The following ZDHHC14 variants were observed in gnomAD, a reference collection of about 807,000 sequenced individuals.
ZDHHC14 encodes zDHHC palmitoyltransferase 14.
ZDHHC14 carries 16 observed loss-of-function variants against 47.7 expected under a neutral mutation model. The observed-to-expected ratio is 0.34, with a 90% CI of 0.23 to 0.51. ZDHHC14 has a LOEUF of 0.51. Among genes scored for constraint, ZDHHC14 ranks in the 20% least tolerant of loss-of-function variants. The pLI is 0.97. For synonymous variants in ZDHHC14, 293 were observed against 278.9 expected, an observed-to-expected ratio of 1.05 and a Z score of -0.50; for missense variants, 515 against 662.5, an observed-to-expected ratio of 0.78 and a Z score of 2.44.
chr6:157,381,976 CG>C lies in ZDHHC14; in HGVS notation c.-40del. The C allele has an allele frequency of 3.6e-6, 4 of 1,109,610 alleles. No individual in the cohort carries two copies. The highest frequency in any genetic ancestry group is 3.3e-6 in the Non-Finnish European group (3 of 907,218). 68.7% of individuals were successfully genotyped at this position (1,109,610 alleles called of 1,614,324 possible). The stretch of plus-strand genomic sequence containing the variant: ...CGTGGCTCGGCGGGGCCCGCGCGGC[CG>C]GGGGGCTCCTGGGGGTGTGCGCCCC... On this transcript the variant is annotated 5_prime_UTR_variant, in exon 1 of 9. Transcript: ENST00000359775.
At chr6:157,597,762 T>C (rs943371575) in intron 3 of ZDHHC14, among the ~76,000 whole-genome samples, 1 of 152,210 alleles carries the variant, frequency 6.6e-6, no homozygotes, top group East Asian at 1.9e-4. Flanking sequence ...CCTCAGGCCA[T>C]GCCAGCCCCT....
intron 3 of ZDHHC14, among the ~76,000 whole-genome samples, chr6:157,623,889 T>C (rs146691763): frequency 6.6e-6 from 1 of 152,288 alleles, no homozygotes; most frequent in African/African-American, 2.4e-5. Flanking sequence ...AGTGATACTG[T>C]GGTATAAAGA....
chr6:157,665,415 G>A (rs1778511813), intron 8 of ZDHHC14, among the ~76,000 whole-genome samples: 1 of 152,174 alleles, frequency 6.6e-6, no homozygotes, highest in Non-Finnish European at 1.5e-5. Context: ...AGGAGCCTCT[G>A]GAGACAGATT....
intron 1 of ZDHHC14, among the ~76,000 whole-genome samples, chr6:157,517,924 C>T (rs990098756): frequency 3.9e-5 from 6 of 152,088 alleles, no homozygotes; most frequent in Admixed American, 1.3e-4. Context: ...CAAAGCCCCA[C>T]GTGTGAACCA....
intron 2 of ZDHHC14, among the ~76,000 whole-genome samples, chr6:157,547,446 G>C (rs1465250875): frequency 6.6e-6 from 1 of 151,840 alleles, no homozygotes; most frequent in East Asian, 1.9e-4. Flanking sequence ...CCCCATCCTA[G>C]ACAGAGCATC....
chr6:157,590,861 C>G lies in ZDHHC14; in HGVS notation c.407-2127C>G, dbSNP rs568479879. Among the ~76,000 whole-genome samples the G allele has an allele frequency of 2.0e-5, 3 of 152,368 alleles. No individual in the cohort carries two copies. The East Asian group carries it at 5.8e-4, about 29-fold the overall frequency. The stretch of plus-strand genomic sequence containing the variant: ...AAGCAGTTGGGAGGGGGGTTGTACC[C>G]TGCAAAGTCATAGGGCGGAGCTGCC... On this transcript the variant is annotated intron_variant, in intron 2 of 8. Transcript: ENST00000359775.
At chr6:157,412,554 A>G (rs1372551241) in intron 1 of ZDHHC14, among the ~76,000 whole-genome samples, 1 of 152,148 alleles carries the variant, frequency 6.6e-6, no homozygotes, top group Non-Finnish European at 1.5e-5. Flanking sequence ...TGGCCTCCCA[A>G]AGTGCTGGGA....
intron 6 of ZDHHC14, among the ~76,000 whole-genome samples, chr6:157,646,561 T>A (rs1361011477): frequency 6.9e-6 from 1 of 145,782 alleles, no homozygotes; most frequent in African/African-American, 2.6e-5. Context: ...TGCAGTGAGC[T>A]GAGATAGCGC....
intron 2 of ZDHHC14, among the ~76,000 whole-genome samples, chr6:157,548,100 T>TC (rs1050603817): frequency 5.4e-5 from 8 of 146,972 alleles, no homozygotes; most frequent in African/African-American, 1.9e-4. Flanking sequence ...TATACACCCC[T>TC]CCCCAAAAAA....
intron 8 of ZDHHC14, among the ~76,000 whole-genome samples, chr6:157,657,258 G>A (rs867930215): frequency 1.3e-5 from 2 of 152,136 alleles, no homozygotes; most frequent in Middle Eastern, 6.8e-3. Context: ...ATGTTGCCCA[G>A]GCTGGTCTCG....
chr6:157,601,055 A>G (rs1039020183), intron 3 of ZDHHC14, among the ~76,000 whole-genome samples: 1 of 152,224 alleles, frequency 6.6e-6, no homozygotes, highest in African/African-American at 2.4e-5. Context: ...CTGACTGCAG[A>G]TGGAGAGGCT....
At chr6:157,670,354 C>T (rs541752760) in intron 8 of ZDHHC14, among the ~76,000 whole-genome samples, 4 of 152,286 alleles carry the variant, frequency 2.6e-5, no homozygotes, top group Non-Finnish European at 4.4e-5. Context: ...AGTACAGTGG[C>T]GTGATCTCAG....
chr6:157,609,881 T>C (rs1353882860), intron 3 of ZDHHC14, among the ~76,000 whole-genome samples: 4 of 152,230 alleles, frequency 2.6e-5, no homozygotes, highest in Non-Finnish European at 5.9e-5. Flanking sequence ...AGATCCAGCC[T>C]GGATCAGGGT....
chr6:157,623,724 A>G (rs1785287459), intron 3 of ZDHHC14, among the ~76,000 whole-genome samples: 1 of 151,506 alleles, frequency 6.6e-6, no homozygotes, highest in Non-Finnish European at 1.5e-5. Context: ...TAATTTTTGT[A>G]TTTTTAGTAG....
At chr6:157,572,651 C>G (rs1261805067) in intron 2 of ZDHHC14, among the ~76,000 whole-genome samples, 1 of 124,630 alleles carries the variant, frequency 8.0e-6, no homozygotes, top group African/African-American at 3.0e-5. Context: ...CCCCGCCCCC[C>G]ACCCCACAAC....
intron 1 of ZDHHC14, among the ~76,000 whole-genome samples, chr6:157,519,415 C>A (rs956030003): frequency 3.3e-5 from 5 of 151,380 alleles, no homozygotes; most frequent in African/African-American, 1.2e-4. Context: ...TCACTGGAGG[C>A]CTTCGCTTAG....
At chr6:157,554,087 G>C (rs780327151) in intron 2 of ZDHHC14, among the ~76,000 whole-genome samples, 2 of 152,232 alleles carry the variant, frequency 1.3e-5, no homozygotes, top group Non-Finnish European at 2.9e-5. Flanking sequence ...CTTTCTAGGA[G>C]AAAACACAAG....
At chr6:157,590,270 A>G (rs1562495046) in intron 2 of ZDHHC14, among the ~76,000 whole-genome samples, 1 of 152,242 alleles carries the variant, frequency 6.6e-6, no homozygotes, top group South Asian at 2.1e-4. Flanking sequence ...AATCACCAAG[A>G]CAATGGGGAA....
At chr6:157,400,178 G>A (rs1374110910) in intron 1 of ZDHHC14, among the ~76,000 whole-genome samples, 1 of 152,192 alleles carries the variant, frequency 6.6e-6, no homozygotes, top group Non-Finnish European at 1.5e-5. Context: ...GGGCAGCTCA[G>A]TGGAGGTCCC....
Sources: allele counts gnomAD v4.1 joint callset (sites outside exome capture counted in the v4.1 genomes callset), GRCh38; gene constraint gnomAD v4.1.1; transcripts MANE v1.5; gene names NCBI Gene and HGNC (gene_info 2026-07-23, HGNC 2026-07-21).